Variants in NFIA observed in about 807,000 individuals in gnomAD.
NFIA encodes nuclear factor I A.
A neutral mutation model predicts 62.8 loss-of-function variants in NFIA; 8 were observed. The ratio of observed to expected loss-of-function variants is 0.13; its 90% CI spans 0.07 to 0.23. The LOEUF (loss-of-function observed/expected upper bound fraction) is 0.23, where lower values mean the gene tolerates loss of function less well. NFIA is among the 10% of genes least tolerant of loss of function. NFIA has a pLI of 1.00. For missense variants in NFIA, 410 were observed against 642.1 expected (o/e 0.64, Z 3.91); for synonymous variants, 235 against 238.1 (o/e 0.99, Z 0.12).
chr1:61,204,466 G>C (rs1652757521), intron 2 of NFIA, among the ~76,000 whole-genome samples: 1 of 152,150 alleles, frequency 6.6e-6, no homozygotes, highest in Admixed American at 6.5e-5. Context: ...TGCAGCAGGA[G>C]GGACCTTTAT....
chr1:61,272,435 G>A (rs1461076124), intron 2 of NFIA, among the ~76,000 whole-genome samples: 1 of 152,080 alleles, frequency 6.6e-6, no homozygotes, highest in Non-Finnish European at 1.5e-5. Flanking sequence ...GACTATTATA[G>A]TTATTTGATT....
intron 2 of NFIA, among the ~76,000 whole-genome samples, chr1:61,089,573 A>G (rs1211161996): frequency 6.6e-6 from 1 of 151,654 alleles, no homozygotes; most frequent in Admixed American, 6.6e-5. Flanking sequence ...GACTTTATAT[A>G]TGTACATATC....
rs556259533 is a variant in NFIA at position 61,292,147 on chromosome 1, G to A, written c.625+14562G>A. Reference sequence around the variant, plus strand: ...ATGCATTATTAGAAATAAACTTATCGTTTTTCAAAGACGACTTATTTTTAA... The same window carrying A: ...ATGCATTATTAGAAATAAACTTATCATTTTTCAAAGACGACTTATTTTTAA... On this transcript the variant is annotated intron_variant, in intron 3 of 10. Transcript: ENST00000403491. Among the ~76,000 whole-genome samples, 9 of 152,168 alleles carry A rather than the reference G, an allele frequency of 5.9e-5. No individual in the cohort carries two copies. The South Asian group carries it at 1.4e-3, about 25-fold the overall frequency.
At chr1:61,165,563 G>A (rs562554350) in intron 2 of NFIA, among the ~76,000 whole-genome samples, 116 of 152,282 alleles carry the variant, frequency 7.6e-4, no homozygotes, top group African/African-American at 2.6e-3. Context: ...AAATTGACTC[G>A]TGTGATATTT....
intron 2 of NFIA, among the ~76,000 whole-genome samples, chr1:61,156,611 A>C (rs1648834463): frequency 6.6e-6 from 1 of 152,212 alleles, no homozygotes; most frequent in African/African-American, 2.4e-5. Context: ...CCCATCAGTA[A>C]GACATTCCTT....
chr1:61,404,367 G>T (rs963657882), intron 8 of NFIA, 85 bp downstream of exon 8: 3 of 1,339,532 alleles, frequency 2.2e-6, no homozygotes, highest in Non-Finnish European at 3.0e-6. Context: ...ATCATGTGAC[G>T]TTGTGCTCTA....
rs1241021435 is a variant in NFIA at position 61,263,584 on chromosome 1, C to T, written c.560-13936C>T. 5.9e-5 allele frequency among the ~76,000 whole-genome samples: 9 copies of T among 152,102 alleles called. No individual in the cohort carries two copies. The East Asian group carries it at 1.7e-3, about 29-fold the overall frequency. Reference sequence around the variant, plus strand: ...TTTTGTTGAATATAAAATAGATAAGCCATTACCTATTCATAGGAATATTTA... The same window carrying T: ...TTTTGTTGAATATAAAATAGATAAGTCATTACCTATTCATAGGAATATTTA... On this transcript the variant is annotated intron_variant, in intron 2 of 10. Coordinates refer to ENST00000403491, the MANE Select transcript of NFIA (RefSeq NM_001134673.4).
chr1:61,422,087 C>T (rs1056386539), intron 9 of NFIA, among the ~76,000 whole-genome samples: 1 of 151,928 alleles, frequency 6.6e-6, no homozygotes, highest in Admixed American at 6.6e-5. Context: ...CATAGGGAGA[C>T]CTCATCTCCA....
At chr1:61,307,587 A>G (rs552754778) in intron 3 of NFIA, among the ~76,000 whole-genome samples, 1 of 152,346 alleles carries the variant, frequency 6.6e-6, no homozygotes, top group South Asian at 2.1e-4. Flanking sequence ...GATCCATTGA[A>G]TCAGCCAGCA....
chr1:61,213,341 G>A (rs1653386494), intron 2 of NFIA, among the ~76,000 whole-genome samples: 1 of 152,178 alleles, frequency 6.6e-6, no homozygotes, highest in Non-Finnish European at 1.5e-5. Context: ...GATGACGTGT[G>A]AATGTTTCAA....
chr1:61,098,728 T>A (rs1471817691), intron 2 of NFIA, among the ~76,000 whole-genome samples: 2 of 152,204 alleles, frequency 1.3e-5, no homozygotes, highest in Non-Finnish European at 2.9e-5. Context: ...ACTACAGTTT[T>A]AAAAAAATAT....
chr1:61,356,229 A>G (rs955675826), intron 5 of NFIA, among the ~76,000 whole-genome samples: 1 of 152,206 alleles, frequency 6.6e-6, no homozygotes, highest in African/African-American at 2.4e-5. Flanking sequence ...ATTAAAAAGT[A>G]TATAGTCATT....
chr1:61,193,462 C>T (rs908468682), intron 2 of NFIA, among the ~76,000 whole-genome samples: 2 of 152,198 alleles, frequency 1.3e-5, no homozygotes, highest in East Asian at 1.9e-4. Context: ...TAACTACCCT[C>T]CCTTCCTGTC....
At chr1:61,146,354 C>A (rs1647979742) in intron 2 of NFIA, among the ~76,000 whole-genome samples, 1 of 152,022 alleles carries the variant, frequency 6.6e-6, no homozygotes, top group Non-Finnish European at 1.5e-5. Flanking sequence ...GGTCATTGTT[C>A]GGCCGATCAT....
At chr1:61,129,599 G>A (rs1461789309) in intron 2 of NFIA, among the ~76,000 whole-genome samples, 2 of 151,702 alleles carry the variant, frequency 1.3e-5, no homozygotes, top group African/African-American at 2.4e-5. Context: ...ATAGGTGCAC[G>A]CCACCCGCCT....
chr1:61,218,941 G>T (rs1653825870), intron 2 of NFIA, among the ~76,000 whole-genome samples: 1 of 152,144 alleles, frequency 6.6e-6, no homozygotes, highest in Non-Finnish European at 1.5e-5. Flanking sequence ...ATAAGAAATT[G>T]ATCAACTCAG....
At chr1:61,231,570 A>G (rs1654670692) in intron 2 of NFIA, among the ~76,000 whole-genome samples, 1 of 152,226 alleles carries the variant, frequency 6.6e-6, no homozygotes, top group Non-Finnish European at 1.5e-5. Context: ...TTAGGACTCA[A>G]CTTGGTGCTA....
chr1:61,250,248 T>C (rs1045577865), intron 2 of NFIA: 2 of 152,206 alleles, frequency 1.3e-5, no homozygotes, highest in African/African-American at 4.8e-5. Flanking sequence ...AAATGTGCTT[T>C]CATTTATATT....
intron 2 of NFIA, among the ~76,000 whole-genome samples, chr1:61,273,089 TC>T (rs1191819846): frequency 1.3e-5 from 2 of 152,154 alleles, no homozygotes; most frequent in East Asian, 3.9e-4. Flanking sequence ...AGGAATGACA[TC>T]GGTTTGTTTT....
Sources: allele counts gnomAD v4.1 joint callset (sites outside exome capture counted in the v4.1 genomes callset), GRCh38; gene constraint gnomAD v4.1.1; transcripts MANE v1.5; gene names NCBI Gene and HGNC (gene_info 2026-07-23, HGNC 2026-07-21).